The following MGAT5 variants were observed in gnomAD, a reference collection of about 807,000 sequenced individuals.
MGAT5 encodes alpha-1,6-mannosylglycoprotein 6-beta-N-acetylglucosaminyltransferase.
Under a neutral mutation model 94.3 loss-of-function variants are expected in MGAT5, and 30 were observed. The ratio of observed to expected loss-of-function variants is 0.32; its 90% CI spans 0.24 to 0.43. The LOEUF (loss-of-function observed/expected upper bound fraction) is 0.43, where lower values mean the gene tolerates loss of function less well. Ranked by LOEUF, MGAT5 falls within the 20% of genes least tolerant of loss-of-function variation. MGAT5 has a pLI of 1.00. For synonymous variants in MGAT5, 310 were observed against 322.9 expected (o/e 0.96, Z 0.43); for missense variants, 691 against 905.5 (o/e 0.76, Z 3.04).
intron 1 of MGAT5, among the ~76,000 whole-genome samples, chr2:134,234,845 G>C (rs1681550555): frequency 6.6e-6 from 1 of 152,234 alleles, no homozygotes; most frequent in Admixed American, 6.5e-5. Context: ...GAGGTGGACT[G>C]AGCAGGTGAG....
chr2:134,428,205 G>C (rs943052998), intron 13 of MGAT5, among the ~76,000 whole-genome samples, 160 bp from the exon 14 acceptor site: 2 of 152,216 alleles, frequency 1.3e-5, no homozygotes, highest in Non-Finnish European at 2.9e-5. Flanking sequence ...CCCACACCTA[G>C]TAAGGATCAG....
intron 9 of MGAT5, among the ~76,000 whole-genome samples, chr2:134,357,464 C>G (rs912605186): frequency 3.3e-5 from 5 of 152,168 alleles, no homozygotes; most frequent in African/African-American, 1.2e-4. Context: ...AGAACCAAGT[C>G]AATTCCCATT....
intron 1 of MGAT5, among the ~76,000 whole-genome samples, chr2:134,267,214 G>A (rs1683772733): frequency 6.6e-6 from 1 of 152,186 alleles, no homozygotes; most frequent in Admixed American, 6.5e-5. Context: ...CTTAAGAGGT[G>A]GTGAAGCATG....
intron 1 of MGAT5, among the ~76,000 whole-genome samples, chr2:134,264,324 C>G (rs1683557938): frequency 6.6e-6 from 1 of 152,044 alleles, no homozygotes; most frequent in Non-Finnish European, 1.5e-5. Flanking sequence ...ACCCGGCCAG[C>G]CATTAAGTAT....
chr2:134,355,405 G>A (rs187455671), intron 9 of MGAT5, among the ~76,000 whole-genome samples: 5 of 151,982 alleles, frequency 3.3e-5, no homozygotes, highest in East Asian at 3.9e-4. Context: ...TCTTCTACAC[G>A]CAAGTGGCTA....
At chr2:134,244,247 T>C (rs1204519264) in intron 1 of MGAT5, among the ~76,000 whole-genome samples, 1 of 152,194 alleles carries the variant, frequency 6.6e-6, no homozygotes, top group Non-Finnish European at 1.5e-5. Context: ...TCAACCTATC[T>C]TAAAGCCTGT....
intron 1 of MGAT5, among the ~76,000 whole-genome samples, chr2:134,190,828 T>A (rs541180412): frequency 9.9e-5 from 15 of 152,280 alleles, no homozygotes; most frequent in Admixed American, 3.3e-4. Context: ...GTATTTTTTT[T>A]AATAGAGATG....
Position 134,216,688 on chromosome 2 carries a change from G to A in MGAT5, c.-142-37574G>A, listed in dbSNP as rs143638146. ...GACAGTTCACACCTGACATAGGAAG[G>A]TGATTAATGAAGATGAATTTGGTAT... On this transcript the variant is annotated intron_variant, in intron 1 of 16. Coordinates refer to the MGAT5 transcript ENST00000409645. Among the ~76,000 whole-genome samples the A allele has an allele frequency of 7.1e-3, 1,075 of 152,346 alleles. 14 individuals are homozygous for A. Among genetic ancestry groups the A allele is most frequent in the African/African-American group, 0.024 (982 of 41,578 alleles).
At chr2:134,218,838 C>T (rs1680620137) in intron 1 of MGAT5, among the ~76,000 whole-genome samples, 1 of 152,146 alleles carries the variant, frequency 6.6e-6, no homozygotes, top group African/African-American at 2.4e-5. Flanking sequence ...ATTCGATTAG[C>T]CTGCCACATC....
At chr2:134,442,746 C>A (rs1443919243) in intron 15 of MGAT5, among the ~76,000 whole-genome samples, 1 of 152,126 alleles carries the variant, frequency 6.6e-6, no homozygotes, top group Non-Finnish European at 1.5e-5. Flanking sequence ...AGGCTTGAAT[C>A]CATTCTCTCA....
intron 1 of MGAT5, among the ~76,000 whole-genome samples, chr2:134,151,799 C>A (rs1687200000): frequency 6.9e-6 from 1 of 145,628 alleles, no homozygotes; most frequent in Admixed American, 6.8e-5. Flanking sequence ...CTCACTCATG[C>A]CCTATGGGAG....
chr2:134,357,953 G>A (rs1306984480), intron 9 of MGAT5, among the ~76,000 whole-genome samples: 2 of 151,356 alleles, frequency 1.3e-5, no homozygotes, highest in Non-Finnish European at 2.9e-5. Flanking sequence ...CAGATTTCTT[G>A]TGTGACATAA....
At chr2:134,189,602 G>GTTTTCTTTTTT (rs1553490380) in intron 1 of MGAT5, among the ~76,000 whole-genome samples, 1 of 84,672 alleles carries the variant, frequency 1.2e-5, no homozygotes, top group African/African-American at 4.8e-5. Flanking sequence ...GTTTTTTTTT[G>GTTTTCTTTTTT]TTTTTTTTTT....
intron 9 of MGAT5, among the ~76,000 whole-genome samples, chr2:134,352,408 T>C (rs1389228248): frequency 2.0e-5 from 3 of 152,134 alleles, no homozygotes; most frequent in Non-Finnish European, 2.9e-5. Context: ...AGGAGGGGCA[T>C]GTCTAGGATA....
intron 10 of MGAT5, among the ~76,000 whole-genome samples, chr2:134,385,716 C>T (rs12467609): frequency 0.61 from 92,107 of 151,930 alleles, 28,135 homozygotes; most frequent in Non-Finnish European, 0.62. Flanking sequence ...ACGAAACATA[C>T]ATAGGGCATG....
intron 8 of MGAT5, among the ~76,000 whole-genome samples, chr2:134,346,240 A>G (rs1211664748): frequency 6.6e-6 from 1 of 152,150 alleles, no homozygotes; most frequent in Non-Finnish European, 1.5e-5. Context: ...AGTTCTTTGG[A>G]TGGAAAAATA....
chr2:134,160,059 C>T (rs1169245602), intron 1 of MGAT5, among the ~76,000 whole-genome samples: 1 of 152,120 alleles, frequency 6.6e-6, no homozygotes, highest in East Asian at 1.9e-4. Context: ...TGCTGCTGTG[C>T]TTTCCTAGGA....
intron 13 of MGAT5, among the ~76,000 whole-genome samples, chr2:134,427,431 G>GTGTCACAATATT (rs1274756335): frequency 6.6e-6 from 1 of 152,124 alleles, no homozygotes; most frequent in African/African-American, 2.4e-5. Context: ...CTTCTCCAAG[G>GTGTCACAATATT]TGTCACAATA....
chr2:134,398,622 C>T (rs182567566), intron 10 of MGAT5, among the ~76,000 whole-genome samples: 20 of 152,230 alleles, frequency 1.3e-4, no homozygotes, highest in Admixed American at 4.6e-4. Context: ...AAGAGATATC[C>T]GCATCCCCAT....
Sources: gnomAD v4.1 joint callset for allele counts (sites outside exome capture counted in the v4.1 genomes callset) on GRCh38, gnomAD v4.1.1 for gene constraint, MANE v1.5 for transcripts, NCBI Gene and HGNC (gene_info 2026-07-23, HGNC 2026-07-21) for gene names.